C12orf42: variants seen among roughly 807,000 people sequenced by gnomAD.
C12orf42 encodes uncharacterized protein C12orf42.
In C12orf42, 25 loss-of-function variants were observed where a neutral mutation model predicts 21.6. The observed-to-expected ratio is 1.16, with a 90% CI of 0.84 to 1.62. C12orf42 has a LOEUF of 1.62. Among genes scored for constraint, C12orf42 ranks in the 40% most tolerant of loss-of-function variants. The pLI is 0.00. For synonymous variants in C12orf42, 174 were observed against 175.0 expected (o/e 0.99, Z 0.05); for missense variants, 483 against 459.3 (o/e 1.05, Z -0.47).
chr12:103,054,370 G>T, the C12orf42 span, among the ~76,000 whole-genome samples: 1 of 151,618 alleles, frequency 6.6e-6, no homozygotes, highest in Non-Finnish European at 1.5e-5. Context: ...TTTTAATTTT[G>T]GTTTCCACAT....
intron 3 of C12orf42, among the ~76,000 whole-genome samples, chr12:103,387,291 A>T (rs2046693256): frequency 6.6e-6 from 1 of 152,092 alleles, no homozygotes; most frequent in Admixed American, 6.5e-5. Flanking sequence ...TATCTTCATG[A>T]CTTAATGCTT....
chr12:103,299,668 A>G (rs1416768520), downstream of C12orf42, among the ~76,000 whole-genome samples: 1 of 152,212 alleles, frequency 6.6e-6, no homozygotes, highest in Non-Finnish European at 1.5e-5. Context: ...TGCCTGTGCT[A>G]CATATAAAAA....
At chr12:103,115,826 C>T in the C12orf42 span, among the ~76,000 whole-genome samples, 2 of 152,126 alleles carry the variant, frequency 1.3e-5, no homozygotes, top group Non-Finnish European at 2.9e-5. Context: ...ATCATGAAAA[C>T]AGTGATGGGT....
chr12:103,412,543 C>A (rs977326346), intron 2 of C12orf42, among the ~76,000 whole-genome samples: 2 of 152,168 alleles, frequency 1.3e-5, no homozygotes, highest in African/African-American at 4.8e-5. Context: ...GTGGTGGGCA[C>A]CTCTAATCCC....
chr12:103,462,098 T>G (rs1176560450), intron 2 of C12orf42, among the ~76,000 whole-genome samples: 2 of 58,250 alleles, frequency 3.4e-5, no homozygotes, highest in African/African-American at 1.5e-4. Flanking sequence ...TTTGCTTGGT[T>G]TTTTTTTTTT....
chr12:103,128,577 A>G, the C12orf42 span, among the ~76,000 whole-genome samples: 2 of 152,234 alleles, frequency 1.3e-5, no homozygotes, highest in African/African-American at 2.4e-5. Flanking sequence ...GGACAAATGC[A>G]TGAAGTTTCC....
chr12:103,072,249 A>G, the C12orf42 span, among the ~76,000 whole-genome samples: 1 of 152,178 alleles, frequency 6.6e-6, no homozygotes, highest in African/African-American at 2.4e-5. Flanking sequence ...TTTTTTAAAA[A>G]ATAGTAACAG....
chr12:103,551,407 T>C, the C12orf42 span, among the ~76,000 whole-genome samples: 1 of 152,150 alleles, frequency 6.6e-6, no homozygotes, highest in African/African-American at 2.4e-5. Context: ...ATCCTAATGT[T>C]TTGGAAGGCT....
At chr12:103,192,857 G>T in the C12orf42 span, among the ~76,000 whole-genome samples, 1 of 148,236 alleles carries the variant, frequency 6.7e-6, no homozygotes, top group East Asian at 2.0e-4. Flanking sequence ...AATCAACAAG[G>T]GAGGCTGACT....
intron 2 of C12orf42, among the ~76,000 whole-genome samples, chr12:103,427,298 A>G (rs1445809608): frequency 2.0e-5 from 3 of 149,418 alleles, no homozygotes; most frequent in African/African-American, 5.0e-5. Context: ...AAAAAAAGAA[A>G]AAAAAAAAAA....
intron 4 of C12orf42, among the ~76,000 whole-genome samples, chr12:103,313,834 A>G (rs2039197954): frequency 6.6e-6 from 1 of 152,232 alleles, no homozygotes; most frequent in African/African-American, 2.4e-5. Context: ...TCATTCAAAA[A>G]TATTTATTGA....
At chr12:103,390,067 T>C in intron 3 of C12orf42, among the ~76,000 whole-genome samples, 1 of 152,184 alleles carries the variant, frequency 6.6e-6, no homozygotes, top group East Asian at 1.9e-4. Context: ...AATGATGTTA[T>C]TCCACTGTTG....
At chr12:103,301,896 C>T (rs1394554058), downstream of C12orf42, 3 of 579,082 alleles carry the variant, frequency 5.2e-6, no homozygotes, top group Non-Finnish European at 8.8e-6. Context: ...CTGGGAGACA[C>T]CGCAGAACAA....
downstream of C12orf42, among the ~76,000 whole-genome samples, chr12:103,235,710 T>C (rs762116605): frequency 1.3e-5 from 2 of 152,172 alleles, no homozygotes; most frequent in Non-Finnish European, 2.9e-5. Flanking sequence ...AAAGAGTTCA[T>C]ATATGCAAAG....
the C12orf42 span, among the ~76,000 whole-genome samples, chr12:103,200,550 T>C: frequency 6.6e-6 from 1 of 152,202 alleles, no homozygotes; most frequent in Non-Finnish European, 1.5e-5. Context: ...TTTAATGGCA[T>C]AGATTGAGGT....
chr12:103,098,704 G>C, the C12orf42 span, among the ~76,000 whole-genome samples: 1 of 152,298 alleles, frequency 6.6e-6, no homozygotes, highest in South Asian at 2.1e-4. Context: ...GCACCAAAAA[G>C]AAAGTCAGAA....
chr12:103,177,743 T>C, the C12orf42 span, among the ~76,000 whole-genome samples: 1 of 152,176 alleles, frequency 6.6e-6, no homozygotes, highest in South Asian at 2.1e-4. Context: ...CTCTCCTCCT[T>C]CTCCGATGCT....
intron 4 of C12orf42, among the ~76,000 whole-genome samples, chr12:103,281,248 C>T (rs1278192333): frequency 6.6e-6 from 1 of 152,140 alleles, no homozygotes; most frequent in East Asian, 1.9e-4. Flanking sequence ...ACGAAGATTC[C>T]AAGTGACTTT....
intron 10 of C12orf42, among the ~76,000 whole-genome samples, chr12:103,250,835 G>T (rs2034262089): frequency 6.6e-6 from 1 of 151,886 alleles, no homozygotes; most frequent in South Asian, 2.1e-4. Flanking sequence ...GAGTGTAAGT[G>T]TGTTCTTTCA....
Sources: gnomAD v4.1 joint callset for allele counts (sites outside exome capture counted in the v4.1 genomes callset) on GRCh38, gnomAD v4.1.1 for gene constraint, MANE v1.5 for transcripts, NCBI Gene and HGNC (gene_info 2026-07-23, HGNC 2026-07-21) for gene names.